The following UGT2A2 variants were observed in gnomAD, a reference collection of about 807,000 sequenced individuals.
UGT2A2 encodes UDP glucuronosyltransferase family 2 member A2, also known as UDP-glucuronosyltransferase 2A2.
A neutral mutation model predicts 50.7 loss-of-function variants in UGT2A2; 60 were observed. That is an observed-to-expected ratio of 1.18 (90% CI 0.96 to 1.47). UGT2A2 has a LOEUF of 1.47. Among genes scored for constraint, UGT2A2 ranks in the 40% most tolerant of loss-of-function variants. The pLI, the probability that UGT2A2 is intolerant of heterozygous loss-of-function variation, is 0.00. For missense variants in UGT2A2, 762 were observed against 634.0 expected, an observed-to-expected ratio of 1.20 and a Z score of -2.17; for synonymous variants, 242 against 214.6, an observed-to-expected ratio of 1.13 and a Z score of -1.11.
intron 1 of UGT2A2, among the ~76,000 whole-genome samples, chr4:69,600,141 T>A: frequency 6.6e-6 from 1 of 152,098 alleles, no homozygotes; most frequent in East Asian, 1.9e-4. Context: ...CCCCAGAGTG[T>A]GAGTGGGGAG....
chr4:69,621,472 T>C (rs1192510444), intron 1 of UGT2A2, among the ~76,000 whole-genome samples: 3 of 151,880 alleles, frequency 2.0e-5, no homozygotes, highest in African/African-American at 7.2e-5. Context: ...GTCAGTCAGA[T>C]TAGCTTTTAT....
At chr4:69,618,968 A>G (rs958181455) in intron 1 of UGT2A2, among the ~76,000 whole-genome samples, 1 of 151,946 alleles carries the variant, frequency 6.6e-6, no homozygotes, top group Non-Finnish European at 1.5e-5. Context: ...ACTTTAAATT[A>G]ATGTTGAATT....
rs530006071 is a variant in UGT2A2 at position 69,636,570 on chromosome 4, T to C, written c.742+2329A>G. Among the ~76,000 whole-genome samples the C allele has an allele frequency of 9.9e-5, 15 of 152,254 alleles. 1 individual carries two copies. The South Asian group carries it at 3.1e-3, about 32-fold the overall frequency. On this transcript the variant is annotated intron_variant, in intron 1 of 5. Coordinates refer to ENST00000604629, the MANE Select transcript of UGT2A2 (RefSeq NM_001105677.2). ...GTGAGAAGTTGAGAACTTGCTGTTT[T>C]ACAAAGCCTTTTTCACACTTATCTA...
At chr4:69,611,763 C>T (rs1720074752) in intron 1 of UGT2A2, among the ~76,000 whole-genome samples, 1 of 152,010 alleles carries the variant, frequency 6.6e-6, no homozygotes, top group African/African-American at 2.4e-5. Context: ...AACATGAATT[C>T]TGAAATACAC....
rs1009414606 is a variant in UGT2A2, at chr4:69,603,172, A to G, written c.743-3778T>C. Among the ~76,000 whole-genome samples, 44 of 137,604 alleles carry G rather than the reference A, an allele frequency of 3.2e-4. 6 individuals are homozygous for G. The highest frequency in any genetic ancestry group is 1.2e-3 in the African/African-American group (42 of 34,238). 90.3% of individuals were successfully genotyped at this position (137,604 alleles called of 152,430 possible). A position where few individuals can be genotyped will look rare whatever the true frequency, so the allele number is the denominator to read the frequency against. On this transcript the variant is annotated intron_variant, in intron 1 of 5. Transcript: ENST00000604629. ...GTTGTAGAACTTTATATGTGATTCT[A>G]AAATCCATACGGAAAAGCAAAGAGC...
rs774792358 is a variant in UGT2A2, at chr4:69,594,575, A to T, written c.1233T>A (p.Ala411=). 1.2e-6 allele frequency: 2 copies of T among 1,614,126 alleles called. No individual in the cohort carries two copies. The highest frequency in any genetic ancestry group is 4.5e-5 in the East Asian group (2 of 44,862). Residue 411 remains alanine, a synonymous_variant, in exon 5 of 6, where the codon GCT becomes GCA. Coordinates refer to ENST00000604629, the MANE Select transcript of UGT2A2 (RefSeq NM_001105677.2). ...PMFADQPDNI[A]HMKAKGAAVE... Reference sequence around the variant, plus strand: ...CAGCTGCTCCTTTGGCCTTCATGTGAGCAATGTTATCAGGCTGATCAGCAA... The same window carrying T: ...CAGCTGCTCCTTTGGCCTTCATGTGTGCAATGTTATCAGGCTGATCAGCAA...
rs1385991559 is a variant in UGT2A2, at chr4:69,589,197, T to G, written c.*175A>C. 1.2e-6 allele frequency: 1 copy of G among 803,196 alleles called. No individual in the cohort carries two copies. The highest frequency in any genetic ancestry group is 1.8e-6 in the Non-Finnish European group (1 of 563,776). 49.8% of individuals were successfully genotyped at this position (803,196 alleles called of 1,614,324 possible). ...ACTATAACTCACAAGTTAATAATAA[T>G]CATGCCAAAATCTAGGCTTTATCAG... On this transcript the variant is annotated 3_prime_UTR_variant, in exon 6 of 6. Coordinates refer to ENST00000604629, the MANE Select transcript of UGT2A2 (RefSeq NM_001105677.2).
At chr4:69,599,443 G>T in intron 1 of UGT2A2, 49 bp from the exon 2 acceptor site, 1 of 1,584,616 alleles carries the variant, frequency 6.3e-7, no homozygotes, top group Non-Finnish European at 8.5e-7. Flanking sequence ...TTATATGTTT[G>T]CTGAGGAGAA....
At chr4:69,594,772 A>G (rs1718820197) in intron 4 of UGT2A2, 76 bp from the exon 5 acceptor site, 1 of 1,491,032 alleles carries the variant, frequency 6.7e-7, no homozygotes, top group African/African-American at 1.4e-5. Context: ...GAAGGGGTCA[A>G]AAAGCTGTAA....
At chr4:69,620,181 G>C (rs1720659319) in intron 1 of UGT2A2, among the ~76,000 whole-genome samples, 1 of 151,972 alleles carries the variant, frequency 6.6e-6, no homozygotes, top group African/African-American at 2.4e-5. Flanking sequence ...TAGGAAGAGA[G>C]AAAGTCAAAC....
intron 1 of UGT2A2, among the ~76,000 whole-genome samples, chr4:69,607,349 G>A (rs1234373954): frequency 2.0e-5 from 3 of 151,422 alleles, no homozygotes; most frequent in African/African-American, 7.3e-5. Flanking sequence ...ATGGTGCTGG[G>A]AAAACTGGCT....
At chr4:69,606,160 G>T (rs190747710) in intron 1 of UGT2A2, among the ~76,000 whole-genome samples, 24,588 of 135,136 alleles carry the variant, frequency 0.18, 5,857 homozygotes, top group Non-Finnish European at 0.22. Context: ...TGAACATCGA[G>T]GCAAAAATCC....
At chr4:69,628,683 G>GA (rs1207787870) in intron 1 of UGT2A2, among the ~76,000 whole-genome samples, 2 of 145,042 alleles carry the variant, frequency 1.4e-5, no homozygotes, top group Admixed American at 7.1e-5. Context: ...TTAAATGGGA[G>GA]AAAAAAATAA....
intron 1 of UGT2A2, among the ~76,000 whole-genome samples, chr4:69,637,158 GA>G (rs972155079): frequency 2.6e-5 from 4 of 151,716 alleles, no homozygotes; most frequent in African/African-American, 9.7e-5. Flanking sequence ...TTGAAAGCCA[GA>G]AAAAAAGAAA....
At chr4:69,634,119 C>A (rs1172765806) in intron 1 of UGT2A2, among the ~76,000 whole-genome samples, 4 of 152,032 alleles carry the variant, frequency 2.6e-5, no homozygotes, top group Non-Finnish European at 5.9e-5. Flanking sequence ...GTGACCGGCG[C>A]CTGTAGTCCC....
Position 69,594,643 on chromosome 4 carries a change from C to T in UGT2A2, c.1165G>A (p.Glu389Lys), listed in dbSNP as rs148464836. ...ATAGGGACTCCGTGGTAAATAGCTT[C>T]GTAGATCCCATTAGTTCCACCATGA... ...ITHGGTNGIY[E>K]AIYHGVPMVG... Residue 389 changes from glutamate to lysine, a missense_variant, in exon 5 of 6, where the codon GAA becomes AAA. Glu to Lys is a moderately conservative substitution (Grantham distance 56). Coordinates refer to ENST00000604629, the MANE Select transcript of UGT2A2 (RefSeq NM_001105677.2). The T allele has an allele frequency of 2.6e-3, 4,134 of 1,614,038 alleles. 6 individuals are homozygous for T. Among genetic ancestry groups the T allele is most frequent in the Non-Finnish European group, 3.1e-3 (3,605 of 1,180,024 alleles).
chr4:69,609,862 A>G (rs1719928569), intron 1 of UGT2A2, among the ~76,000 whole-genome samples: 2 of 152,162 alleles, frequency 1.3e-5, no homozygotes, highest in South Asian at 4.1e-4. Context: ...CTGATGGAAA[A>G]CTGTCATAGA....
rs569382652 is a variant in UGT2A2, at chr4:69,604,072, C to T, written c.743-4678G>A. ...AACTCAGGAAATACAGAGAACGCCA[C>T]AAAGATACTCCTCGAGAAGAGCAAC... On this transcript the variant is annotated intron_variant, in intron 1 of 5. Coordinates refer to ENST00000604629, the MANE Select transcript of UGT2A2 (RefSeq NM_001105677.2). Among the ~76,000 whole-genome samples the T allele has an allele frequency of 3.7e-5, 5 of 135,988 alleles. 1 individual carries two copies. The highest frequency in any genetic ancestry group is 2.1e-4 in the East Asian group (1 of 4,828). 89.2% of individuals were successfully genotyped at this position (135,988 alleles called of 152,430 possible). A position where few individuals can be genotyped will look rare whatever the true frequency, so the allele number is the denominator to read the frequency against.
chr4:69,606,007 G>A lies in UGT2A2; in HGVS notation c.743-6613C>T, dbSNP rs1271480175. 2.2e-5 allele frequency among the ~76,000 whole-genome samples: 3 copies of A among 136,332 alleles called. 1 individual carries two copies. The highest frequency in any genetic ancestry group is 8.9e-5 in the African/African-American group (3 of 33,584). The allele number at this position is 136,332 out of a possible 152,430, so 89.4% of individuals were successfully genotyped here. ...TCTACCAGAAGTACAAGGAGGAGCT[G>A]GTACCATTCCTTCTGAAACTATTCC... On this transcript the variant is annotated intron_variant, in intron 1 of 5. Coordinates refer to ENST00000604629, the MANE Select transcript of UGT2A2 (RefSeq NM_001105677.2).
Sources: allele counts gnomAD v4.1 joint callset (sites outside exome capture counted in the v4.1 genomes callset), GRCh38; gene constraint gnomAD v4.1.1; transcripts MANE v1.5; gene names NCBI Gene and HGNC (gene_info 2026-07-23, HGNC 2026-07-21).